GLI3: variants seen among roughly 807,000 people sequenced by gnomAD.
GLI3 encodes the protein GLI family zinc finger 3, also known as transcription activator GLI3.
In GLI3, 20 loss-of-function variants were observed where a neutral mutation model predicts 100.8. The ratio of observed to expected loss-of-function variants is 0.20; its 90% CI spans 0.14 to 0.29. GLI3 has a LOEUF of 0.29. Among genes scored for constraint, GLI3 ranks in the 10% least tolerant of loss-of-function variants. The probability of loss-of-function intolerance (pLI) is 1.00; values close to 1 mark genes in which losing one functional copy is unlikely to be tolerated. For missense variants in GLI3, 2,040 were observed against 2,128.5 expected (o/e 0.96, Z 0.82); for synonymous variants, 938 against 860.5 (o/e 1.09, Z -1.58).
intron 3 of GLI3, among the ~76,000 whole-genome samples, chr7:42,119,633 T>C (rs755857968): frequency 6.6e-6 from 1 of 152,104 alleles, no homozygotes; most frequent in Non-Finnish European, 1.5e-5. Context: ...AGTAAAATAT[T>C]CCCAGATTTC....
intron 2 of GLI3, among the ~76,000 whole-genome samples, chr7:42,184,688 C>A (rs1787684613): frequency 6.6e-6 from 1 of 152,182 alleles, no homozygotes; most frequent in Non-Finnish European, 1.5e-5. Flanking sequence ...TCAGCCCATG[C>A]AAGGATTGCC....
At chr7:41,989,610 T>C (rs114373924) in intron 10 of GLI3, among the ~76,000 whole-genome samples, 1,942 of 152,296 alleles carry the variant, frequency 0.013, 37 homozygotes, top group African/African-American at 0.045. Context: ...AGAAGCCAGA[T>C]TGTATCCCAG....
chr7:41,965,654 C>T lies in GLI3; in HGVS notation c.3419G>A (p.Gly1140Asp). Residue 1140 changes from glycine to aspartate, a missense_variant, in exon 15 of 15, where the codon GGC (glycine) becomes GAC (aspartate). Around this residue, in one of 5 missense-constraint regions of GLI3, gnomAD observed 1,041 missense variants for 924.0 expected, o/e 1.13. Transcript: ENST00000395925. ...DAPGLPDSHAGQQFHALEQPC... is the reference protein window; with the variant it reads ...DAPGLPDSHADQQFHALEQPC... ...CTGCTCGAGGGCATGGAACTGCTGG[C>T]CAGCGTGGCTGTCTGGCAGCCCGGG... The T allele has an allele frequency of 6.2e-7, 1 of 1,612,494 alleles. No individual in the cohort carries two copies.
intron 1 of GLI3, among the ~76,000 whole-genome samples, chr7:42,261,188 GACACACACACAAACAC>G (rs138532224): frequency 1.4e-5 from 2 of 145,664 alleles, no homozygotes; most frequent in African/African-American, 5.3e-5. Flanking sequence ...GCAGGAACAA[GACACACACACAAACAC>G]ACACACACAC....
At chr7:42,104,020 T>C (rs1450197028) in intron 3 of GLI3, among the ~76,000 whole-genome samples, 1 of 152,196 alleles carries the variant, frequency 6.6e-6, no homozygotes, top group Non-Finnish European at 1.5e-5. Context: ...TGTGCATCTC[T>C]TTCCTTGACT....
chr7:42,179,397 G>GTGTGCTGCCCAAGGCCAC (rs1209459863), intron 2 of GLI3, among the ~76,000 whole-genome samples: 4 of 152,206 alleles, frequency 2.6e-5, no homozygotes, highest in African/African-American at 9.7e-5. Flanking sequence ...GAGGGACAGA[G>GTGTGCTGCCCAAGGCCAC]TGTGCTGCCC....
At chr7:42,048,982 A>T (rs1784301397) in intron 4 of GLI3, among the ~76,000 whole-genome samples, 1 of 152,192 alleles carries the variant, frequency 6.6e-6, no homozygotes, top group African/African-American at 2.4e-5. Context: ...TTCTTCCATG[A>T]GAAGAAATTC....
chr7:41,967,928 TG>T lies in GLI3; in HGVS notation c.2104-6del, dbSNP rs768262204. 7.4e-6 allele frequency: 12 copies of T among 1,612,922 alleles called. No homozygotes were observed. The highest frequency in any genetic ancestry group is 1.0e-5 in the Non-Finnish European group (12 of 1,178,938). The stretch of plus-strand genomic sequence containing the variant: ...ACCAGGGCTTGGCTGAGATGTCTGT[TG>T]GGGTCAAGTGGAAAGGAAAGAAATG... On this transcript the variant is annotated splice_polypyrimidine_tract_variant and splice_region_variant and intron_variant, in intron 13 of 14. Coordinates refer to ENST00000395925, the MANE Select transcript of GLI3 (RefSeq NM_000168.6).
At chr7:42,118,138 TCTC>T (rs765235081) in intron 3 of GLI3, 1 of 389,672 alleles carries the variant, frequency 2.6e-6, no homozygotes, top group Non-Finnish European at 4.5e-6. Flanking sequence ...TTGCAAATAT[TCTC>T]ATCCCCTTTA....
chr7:42,052,788 C>A (rs1784377818), intron 4 of GLI3, among the ~76,000 whole-genome samples: 2 of 152,122 alleles, frequency 1.3e-5, no homozygotes, highest in Non-Finnish European at 2.9e-5. Context: ...ATTAGGCTCT[C>A]GTGAGCTGGG....
At chr7:42,232,215 T>C (rs1237351118) in intron 1 of GLI3, among the ~76,000 whole-genome samples, 1 of 152,134 alleles carries the variant, frequency 6.6e-6, no homozygotes, top group Non-Finnish European at 1.5e-5. Flanking sequence ...AATTTATATG[T>C]ACAGTGCATG....
chr7:42,230,004 T>C (rs1298745058), intron 1 of GLI3, among the ~76,000 whole-genome samples: 1 of 147,500 alleles, frequency 6.8e-6, no homozygotes, highest in South Asian at 2.1e-4. Context: ...TAGATATGCA[T>C]AACCTTTGTG....
chr7:42,180,482 A>G (rs977017937), intron 2 of GLI3, among the ~76,000 whole-genome samples: 4 of 152,228 alleles, frequency 2.6e-5, no homozygotes, highest in African/African-American at 9.6e-5. Flanking sequence ...TTCTTTTCAG[A>G]GGATGGACAT....
intron 2 of GLI3, among the ~76,000 whole-genome samples, chr7:42,196,356 T>C (rs1200261761): frequency 6.6e-6 from 1 of 152,204 alleles, no homozygotes; most frequent in African/African-American, 2.4e-5. Context: ...AAATAAGAGC[T>C]GCAGAAAATG....
chr7:42,183,774 C>T (rs1787665218), intron 2 of GLI3, among the ~76,000 whole-genome samples: 1 of 152,182 alleles, frequency 6.6e-6, no homozygotes, highest in Admixed American at 6.5e-5. Flanking sequence ...CCATCCACTT[C>T]CCTCCCTCTT....
chr7:42,244,065 C>A (rs1013161149), intron 1 of GLI3, among the ~76,000 whole-genome samples: 1 of 152,162 alleles, frequency 6.6e-6, no homozygotes, highest in Admixed American at 6.5e-5. Context: ...AACTTCTGAC[C>A]TCAGGTGATC....
intron 10 of GLI3, among the ~76,000 whole-genome samples, chr7:41,992,297 C>T (rs1041614476): frequency 3.3e-5 from 5 of 152,114 alleles, no homozygotes; most frequent in Non-Finnish European, 4.4e-5. Context: ...CAGGTGATAC[C>T]GAAGTCTCCA....
intron 12 of GLI3, 36 bp downstream of exon 12, chr7:41,977,522 C>T: frequency 6.2e-7 from 1 of 1,608,116 alleles, no homozygotes; most frequent in Non-Finnish European, 8.5e-7. Flanking sequence ...TTCTTTGTTT[C>T]CTTATGCAAG....
chr7:42,150,848 G>A (rs185755093), intron 2 of GLI3, among the ~76,000 whole-genome samples: 10 of 152,228 alleles, frequency 6.6e-5, no homozygotes, highest in Admixed American at 6.5e-4. Context: ...ATGGGTTATG[G>A]TCTGGCCAGA....
Sources: gnomAD v4.1 joint callset for allele counts (sites outside exome capture counted in the v4.1 genomes callset) on GRCh38, gnomAD v4.1.1 for gene constraint, gnomAD v4.1.1 regional missense constraint, MANE v1.5 for transcripts, NCBI Gene and HGNC (gene_info 2026-07-23, HGNC 2026-07-21) for gene names.